Variants in GGA1 observed in about 807,000 individuals in gnomAD.
GGA1 encodes golgi associated, gamma adaptin ear containing, ARF binding protein 1.
A neutral mutation model predicts 76.9 loss-of-function variants in GGA1; 18 were observed. The ratio of observed to expected loss-of-function variants is 0.23; its 90% CI spans 0.16 to 0.35. The LOEUF (loss-of-function observed/expected upper bound fraction) is 0.35. Ranked by LOEUF, GGA1 falls within the 10% of genes least tolerant of loss-of-function variation. GGA1 has a pLI of 1.00. For synonymous variants in GGA1, 342 were observed against 354.7 expected, an observed-to-expected ratio of 0.96 and a Z score of 0.40; for missense variants, 755 against 859.0, an observed-to-expected ratio of 0.88 and a Z score of 1.51.
intron 12 of GGA1, 80 bp downstream of exon 12, chr22:37,629,606 A>G (rs866472512): frequency 6.5e-6 from 6 of 924,264 alleles, no homozygotes; most frequent in Middle Eastern, 2.2e-4. Flanking sequence ...TGGAGAAACT[A>G]AAAGGATGGA....
intron 1 of GGA1, among the ~76,000 whole-genome samples, chr22:37,609,948 C>T (rs1442544480): frequency 2.0e-5 from 3 of 152,196 alleles, no homozygotes; most frequent in Non-Finnish European, 2.9e-5. Flanking sequence ...GGCCCCAGAA[C>T]CAAACCTCTA....
At position 37,630,040 on chromosome 22, in the gene GGA1, GC is replaced by G; in HGVS notation, c.1206del (p.Ser403ValfsTer21). Reference protein sequence around the residue: ...TEPPAPALAQAPSMESRPPAQ... With the variant: ...TEPPAPALAQXPSMESRPPAQ... ...GCCCCCAGCCCCTGCTCTGGCCCAG[GC>G]CCCCAGTATGGAAAGCCGACCCCCA... is the stretch of plus-strand genomic sequence containing the variant. On this transcript the variant is annotated frameshift_variant, in exon 13 of 17. Transcript: ENST00000343632. LOFTEE classifies it high-confidence loss of function. The G allele has an allele frequency of 1.3e-6, 2 of 1,599,970 alleles. No individual in the cohort carries two copies. Among genetic ancestry groups the G allele is most frequent in the Non-Finnish European group, 1.7e-6 (2 of 1,171,424 alleles).
At chr22:37,627,040 A>G (rs961426513) in intron 11 of GGA1, 1 of 152,294 alleles carries the variant, frequency 6.6e-6, no homozygotes. Context: ...ACATGCCTGT[A>G]GTCCCAGCTA....
At chr22:37,618,950 C>T (rs1184882007) in intron 4 of GGA1, among the ~76,000 whole-genome samples, 1 of 152,230 alleles carries the variant, frequency 6.6e-6, no homozygotes, top group African/African-American at 2.4e-5. Context: ...CACACAAGAG[C>T]AACCTCCCTG....
At chr22:37,622,944 C>G (rs537885581) in intron 7 of GGA1, among the ~76,000 whole-genome samples, 7 of 152,328 alleles carry the variant, frequency 4.6e-5, no homozygotes, top group African/African-American at 1.7e-4. Flanking sequence ...ACAGAGGTCC[C>G]CTTGCACTAT....
At position 37,625,873 on chromosome 22, in the gene GGA1, C is replaced by T; in HGVS notation, c.1017C>T (p.Thr339=). 3 of 1,611,824 alleles carry T rather than the reference C, an allele frequency of 1.9e-6. No homozygotes were observed. The highest frequency in any genetic ancestry group is 2.5e-6 in the Non-Finnish European group (3 of 1,179,208). The change falls in exon 11 of 17, where the codon ACC becomes ACT. Residue 339 remains threonine (T), a synonymous_variant. Coordinates refer to ENST00000343632, the MANE Select transcript of GGA1 (RefSeq NM_013365.5). This position sits in a 1 kb window ranked among gnomAD's most constrained non-coding sequence, Gnocchi z 4.1. ...PAGTTYPAMP[T]RPGEQASPEQ... ...GCACCACCTACCCAGCTATGCCCACCCGCCCTGGCGAGCAGGCCAGCCCTG... is the reference window on the plus strand; with the variant it reads ...GCACCACCTACCCAGCTATGCCCACTCGCCCTGGCGAGCAGGCCAGCCCTG...
intron 3 of GGA1, 61 bp downstream of exon 3, chr22:37,617,058 G>A (rs1928942456): frequency 1.6e-5 from 25 of 1,557,522 alleles, no homozygotes; most frequent in Non-Finnish European, 2.2e-5. Context: ...GGGAGGCCAA[G>A]ACTGAGGTTC....
chr22:37,614,839 C>T (rs570142291), intron 2 of GGA1, among the ~76,000 whole-genome samples: 16 of 152,156 alleles, frequency 1.1e-4, no homozygotes, highest in Non-Finnish European at 1.6e-4. Flanking sequence ...ATTAGCTGGG[C>T]GTGGTGGCAC....
In GGA1 at chr22:37,625,760, C is replaced by T. The variant is rs748258425; in HGVS notation, c.941-37C>T. 24 of 1,508,032 alleles carry T rather than the reference C, an allele frequency of 1.6e-5. No individual in the cohort carries two copies. Among genetic ancestry groups the T allele is most frequent in the East Asian group, 1.4e-4 (6 of 42,818 alleles). 93.4% of individuals were successfully genotyped at this position (1,508,032 alleles called of 1,614,324 possible). ...CTGTGGACTCTGAGAGACACGTGTA[C>T]ACCCAGGACTTGCCAGCCTCTTCTT... On this transcript the variant is annotated intron_variant, in intron 10 of 16. Coordinates refer to ENST00000343632, the MANE Select transcript of GGA1 (RefSeq NM_013365.5). The surrounding 1 kb of genome is among the most constrained non-coding windows in gnomAD (Gnocchi z 4.1).
At position 37,620,372 on chromosome 22, in the gene GGA1, CAG is replaced by C. The variant is rs1241379751; in HGVS notation, c.427+14_427+15del. ...TGCTAAAGAAGCAGGGTGAGGCACACAGAGGGTGGGGGGCGACCAGGGCCTGC... is the reference window on the plus strand; with the variant it reads ...TGCTAAAGAAGCAGGGTGAGGCACACAGGGTGGGGGGCGACCAGGGCCTGC... On this transcript the variant is annotated intron_variant, in intron 5 of 16. Transcript: ENST00000343632. The C allele has an allele frequency of 6.2e-7, 1 of 1,613,870 alleles. No individual in the cohort carries two copies. The highest frequency in any genetic ancestry group is 8.5e-7 in the Non-Finnish European group (1 of 1,179,912).
Position 37,625,228 on chromosome 22 carries a change from G to A in GGA1, c.940+152G>A. 1 of 691,192 alleles carries A rather than the reference G, an allele frequency of 1.4e-6. No individual in the cohort carries two copies. The highest frequency in any genetic ancestry group is 1.8e-5 in the African/African-American group (1 of 56,318). 42.8% of individuals were successfully genotyped at this position (691,192 alleles called of 1,614,324 possible). On this transcript the variant is annotated intron_variant, in intron 10 of 16. Transcript: ENST00000343632. This position sits in a 1 kb window ranked among gnomAD's most constrained non-coding sequence, Gnocchi z 4.1. Reference sequence around the variant, plus strand: ...GGGAAGGCCCCAGGGAGGGAGCTGGGGGTGAAGTCTGTGCCAAGCCTGCAG... The same window carrying A: ...GGGAAGGCCCCAGGGAGGGAGCTGGAGGTGAAGTCTGTGCCAAGCCTGCAG...
At chr22:37,620,781 T>C (rs911646649) in intron 5 of GGA1, 32 bp from the exon 6 acceptor site, 6 of 1,349,002 alleles carry the variant, frequency 4.4e-6, no homozygotes, top group African/African-American at 1.4e-5. Context: ...CTGGGACATA[T>C]TGACAGCCTT....
In GGA1 at chr22:37,632,815, ACCCCCAGGCCTGGTGCTTCT is replaced by A. The variant is rs1309946691; in HGVS notation, c.*109_*128del. The A allele has an allele frequency of 8.5e-6, 6 of 707,448 alleles. No individual in the cohort carries two copies. In the African/African-American group the frequency reaches 1.1e-4, roughly 12 times the overall value. The allele number at this position is 707,448 out of a possible 1,614,324, so 43.8% of individuals were successfully genotyped here. A position where few individuals can be genotyped will look rare whatever the true frequency, so the allele number is the denominator to read the frequency against. ...CACCCTTTGTTGCCCATGGCCATTC[ACCCCCAGGCCTGGTGCTTCT>A]CCCCACACCCCTGTAGGCCTCAAGT... On this transcript the variant is annotated 3_prime_UTR_variant, in exon 17 of 17. Coordinates refer to ENST00000343632, the MANE Select transcript of GGA1 (RefSeq NM_013365.5). The surrounding 1 kb of genome is among the most constrained non-coding windows in gnomAD (Gnocchi z 5.1).
intron 2 of GGA1, among the ~76,000 whole-genome samples, chr22:37,615,672 G>A (rs1419203286): frequency 6.6e-6 from 1 of 151,682 alleles, no homozygotes; most frequent in African/African-American, 2.4e-5. Context: ...GCTGAGGCAG[G>A]AGAATCGCTT....
intron 1 of GGA1, chr22:37,612,998 A>G: frequency 1.0e-6 from 1 of 985,470 alleles, no homozygotes; most frequent in Non-Finnish European, 1.2e-6. Context: ...GCCTGCCCTC[A>G]GCTGACTGCT....
chr22:37,616,900 C>G (rs1928906957), intron 2 of GGA1, 22 bp from the exon 3 acceptor site: 11 of 1,589,262 alleles, frequency 6.9e-6, no homozygotes, highest in Non-Finnish European at 9.4e-6. Flanking sequence ...GACTCTGGCT[C>G]TGTGTTGTTC....
chr22:37,618,154 A>C (rs1029617275), intron 3 of GGA1: 4 of 306,938 alleles, frequency 1.3e-5, no homozygotes, highest in Admixed American at 5.0e-5. Context: ...AAATAGTAAG[A>C]AAATAATGTA....
chr22:37,609,259 TC>T, intron 1 of GGA1: 1 of 1,152,992 alleles, frequency 8.7e-7, no homozygotes, highest in Non-Finnish European at 1.1e-6. Flanking sequence ...CGCGAGCGGT[TC>T]CCCGGGGTTG....
At chr22:37,615,801 CCA>C (rs1405964554) in intron 2 of GGA1, among the ~76,000 whole-genome samples, 1 of 152,090 alleles carries the variant, frequency 6.6e-6, no homozygotes, top group African/African-American at 2.4e-5. Flanking sequence ...TGGGCTGCCC[CCA>C]GACTCGACTG....
Sources: gnomAD v4.1 joint callset for allele counts (sites outside exome capture counted in the v4.1 genomes callset) on GRCh38, gnomAD v4.1.1 for gene constraint, Gnocchi (gnomAD v3.1) non-coding constraint, MANE v1.5 for transcripts, NCBI Gene and HGNC (gene_info 2026-07-23, HGNC 2026-07-21) for gene names.